The following DST variants were observed in gnomAD, a reference collection of about 807,000 sequenced individuals.
DST encodes the protein bullous pemphigoid antigen.
A neutral mutation model predicts 875.2 loss-of-function variants in DST; 253 were observed. The ratio of observed to expected loss-of-function variants is 0.29; its 90% confidence interval spans 0.26 to 0.32. The LOEUF (loss-of-function observed/expected upper bound fraction) is 0.32, where lower values mean the gene tolerates loss of function less well. Ranked by LOEUF, DST falls within the 10% of genes least tolerant of loss-of-function variation. The pLI is 1.00. For missense variants in DST, 8,287 were observed against 9,111.6 expected, an observed-to-expected ratio of 0.91 and a Z score of 3.68; for synonymous variants, 3,124 against 3,197.1, an observed-to-expected ratio of 0.98 and a Z score of 0.77.
At chr6:56,777,891 T>C (rs2099682349) in intron 4 of DST, among the ~76,000 whole-genome samples, 1 of 151,944 alleles carries the variant, frequency 6.6e-6, no homozygotes, top group South Asian at 2.1e-4. Flanking sequence ...TTTGTAGAGA[T>C]GGGGTTTCAC....
At chr6:56,798,482 G>A (rs1590674119) in intron 4 of DST, among the ~76,000 whole-genome samples, 1 of 152,182 alleles carries the variant, frequency 6.6e-6, no homozygotes, top group East Asian at 1.9e-4. Context: ...TCACTATTGA[G>A]ATTGCTCAGA....
intron 39 of DST, 114 bp from the exon 40 acceptor site, chr6:56,609,458 T>G (rs1409043564): frequency 3.9e-6 from 3 of 766,218 alleles, no homozygotes; most frequent in Non-Finnish European, 6.4e-6. Context: ...AAAAATCCTC[T>G]ACTTACCAAG....
At chr6:56,786,898 A>G (rs2099706581) in intron 4 of DST, among the ~76,000 whole-genome samples, 1 of 152,224 alleles carries the variant, frequency 6.6e-6, no homozygotes, top group African/African-American at 2.4e-5. Flanking sequence ...GAGGGGATAA[A>G]AAAATCATCC....
chr6:56,841,730 G>C (rs927746621), intron 4 of DST, among the ~76,000 whole-genome samples: 1 of 151,922 alleles, frequency 6.6e-6, no homozygotes, highest in Non-Finnish European at 1.5e-5. Flanking sequence ...AGGTTTGTTG[G>C]TCTATATTGC....
At chr6:56,938,106 C>CTATATA (rs1278821103) in intron 2 of DST, among the ~76,000 whole-genome samples, 43 of 30,060 alleles carry the variant, frequency 1.4e-3, no homozygotes, top group African/African-American at 3.7e-3. Flanking sequence ...CTCTCTCTCT[C>CTATATA]TCTATATATA....
At chr6:56,477,832 T>C (rs956610405) in intron 90 of DST, among the ~76,000 whole-genome samples, 51 of 152,224 alleles carry the variant, frequency 3.4e-4, no homozygotes, top group African/African-American at 1.2e-3. Flanking sequence ...ATGCTTCATA[T>C]CATCTCTAGA....
chr6:56,555,447 C>G lies in DST; in HGVS notation c.15034G>C (p.Glu5012Gln). The G allele has an allele frequency of 1.2e-6, 2 of 1,614,028 alleles. No individual in the cohort carries two copies. Residue 5012 changes from glutamate to glutamine, a missense_variant, in exon 60 of 104, where the codon GAG becomes CAG. Glu to Gln is a conservative substitution (Grantham distance 29, BLOSUM62 2). Transcript: ENST00000680361. ...TCTTTAACCAGTGCTGACAAATCCT[C>G]ACAGAGTGCCTGGGCCACTTTTATC... ...KQIKVAQALC[E>Q]DLSALVKEEY...
At chr6:56,781,794 T>C (rs1271615241) in intron 4 of DST, among the ~76,000 whole-genome samples, 6 of 152,134 alleles carry the variant, frequency 3.9e-5, no homozygotes, top group Non-Finnish European at 8.8e-5. Flanking sequence ...CATCCCTGTC[T>C]TGTGCCAGTT....
intron 9 of DST, 52 bp from the exon 10 acceptor site, chr6:56,670,859 G>A (rs1484246631): frequency 7.7e-7 from 1 of 1,292,760 alleles, no homozygotes; most frequent in Non-Finnish European, 1.1e-6. Context: ...AGCTAACTCA[G>A]ATTAAGAACC....
chr6:56,539,629 A>G (rs771723110), intron 61 of DST, among the ~76,000 whole-genome samples: 14 of 152,188 alleles, frequency 9.2e-5, no homozygotes, highest in Non-Finnish European at 1.3e-4. Context: ...AAAACAGCTG[A>G]ACTTCAATCT....
At chr6:56,674,930 C>A (rs1013315250) in intron 9 of DST, among the ~76,000 whole-genome samples, 2 of 152,160 alleles carry the variant, frequency 1.3e-5, no homozygotes, top group African/African-American at 4.8e-5. Context: ...TTGAATGGAA[C>A]CACAAAAGAC....
chr6:56,882,430 T>C (rs535960686), intron 3 of DST, among the ~76,000 whole-genome samples: 1 of 152,342 alleles, frequency 6.6e-6, no homozygotes, highest in Non-Finnish European at 1.5e-5. Context: ...AGGGCTAATA[T>C]ATAAATAAAA....
At chr6:56,631,848 G>T in intron 29 of DST, 35 bp downstream of exon 29, 1 of 1,600,246 alleles carries the variant, frequency 6.2e-7, no homozygotes, top group Non-Finnish European at 8.6e-7. Context: ...CATTAAGAGA[G>T]TTAGTTTTTT....
intron 9 of DST, among the ~76,000 whole-genome samples, chr6:56,678,059 A>C (rs1011361201): frequency 3.9e-5 from 6 of 152,212 alleles, no homozygotes; most frequent in Non-Finnish European, 7.3e-5. Flanking sequence ...TCAAATCATT[A>C]CCTGTAAGTA....
intron 4 of DST, among the ~76,000 whole-genome samples, chr6:56,805,896 G>T (rs1416057366): frequency 6.6e-6 from 1 of 152,208 alleles, no homozygotes; most frequent in African/African-American, 2.4e-5. Flanking sequence ...GACTCTTTCT[G>T]AAGTTAAATC....
At chr6:56,493,925 T>A in intron 83 of DST, 85 bp downstream of exon 83, 1 of 1,107,568 alleles carries the variant, frequency 9.0e-7, no homozygotes, top group South Asian at 2.6e-5. Flanking sequence ...GTTCTACTCC[T>A]GATAGCTCTA....
At chr6:56,675,548 C>T (rs542848854) in intron 9 of DST, among the ~76,000 whole-genome samples, 8 of 152,108 alleles carry the variant, frequency 5.3e-5, no homozygotes, top group Non-Finnish European at 1.0e-4. Context: ...TAAAACAACT[C>T]GGTAATAAGA....
At chr6:56,547,577 T>C (rs1357906873) in intron 61 of DST, among the ~76,000 whole-genome samples, 1 of 152,192 alleles carries the variant, frequency 6.6e-6, no homozygotes, top group African/African-American at 2.4e-5. Context: ...CCATTCTTAA[T>C]AAAATGGAAA....
intron 66 of DST, 128 bp downstream of exon 66, chr6:56,529,320 A>AAC: frequency 3.8e-6 from 3 of 791,442 alleles, no homozygotes; most frequent in Non-Finnish European, 5.6e-6. Context: ...AATCTGTATA[A>AAC]ACAGTCTTTT....
Sources: gnomAD v4.1 joint callset for allele counts (sites outside exome capture counted in the v4.1 genomes callset) on GRCh38, gnomAD v4.1.1 for gene constraint, MANE v1.5 for transcripts, NCBI Gene and HGNC (gene_info 2026-07-23, HGNC 2026-07-21) for gene names.